The following PARP14 variants were observed in gnomAD, a reference collection of about 807,000 sequenced individuals.
PARP14 encodes the protein poly(ADP-ribose) polymerase family member 14.
Under a neutral mutation model 154.2 loss-of-function variants are expected in PARP14, and 59 were observed. The ratio of observed to expected loss-of-function variants is 0.38; its 90% CI spans 0.31 to 0.48. The LOEUF (loss-of-function observed/expected upper bound fraction) is 0.48. Ranked by LOEUF, PARP14 falls within the 20% of genes least tolerant of loss-of-function variation. The probability of loss-of-function intolerance (pLI) is 0.98; values close to 1 mark genes in which losing one functional copy is unlikely to be tolerated. For missense variants in PARP14, 1,734 were observed against 2,131.6 expected (o/e 0.81, Z 3.67); for synonymous variants, 720 against 780.5 (o/e 0.92, Z 1.29).
In PARP14 at chr3:122,686,002, C is replaced by A. The variant is rs189462174; in HGVS notation, c.321+684C>A. On this transcript the variant is annotated intron_variant, in intron 2 of 16. Transcript: ENST00000474629. ...TCCATACTACCTGTATTAAGTATTA[C>A]CCCAATTGTAAAATGGAATAGTAAC... 2.7e-3 allele frequency among the ~76,000 whole-genome samples: 416 copies of A among 152,188 alleles called. 1 individual carries two copies. The highest frequency in any genetic ancestry group is 9.3e-3 in the African/African-American group (386 of 41,508).
intron 1 of PARP14, among the ~76,000 whole-genome samples, chr3:122,684,385 T>C (rs1938304751): frequency 6.6e-6 from 1 of 152,234 alleles, no homozygotes; most frequent in African/African-American, 2.4e-5. Flanking sequence ...GGCTGCTCCT[T>C]TTTATAATCG....
chr3:122,709,705 T>C (rs1168707469), intron 9 of PARP14, among the ~76,000 whole-genome samples: 1 of 152,162 alleles, frequency 6.6e-6, no homozygotes, highest in Non-Finnish European at 1.5e-5. Flanking sequence ...CCAACATCTA[T>C]TGTTTCTTGA....
At position 122,700,652 on chromosome 3, in the gene PARP14, G is replaced by T. The variant is rs758915239; in HGVS notation, c.2098G>T (p.Val700Leu). 2.5e-6 allele frequency: 4 copies of T among 1,607,166 alleles called. No homozygotes were observed. The Admixed American group carries it at 6.8e-5, about 27-fold the overall frequency. The change falls in exon 6 of 17, where the codon GTA becomes TTA. Residue 700 changes from valine (V) to leucine (L), a missense_variant. Coordinates refer to ENST00000474629, the MANE Select transcript of PARP14 (RefSeq NM_017554.3). Reference sequence around the variant, plus strand: ...GCTATTCTGGCCAAAGATAAAGAAGGTAAATGTGCAGGTAAGTTTCAATCC... The same window carrying T: ...GCTATTCTGGCCAAAGATAAAGAAGTTAAATGTGCAGGTAAGTTTCAATCC... ...KKLFWPKIKK[V>L]NVQVSFNPEN...
At chr3:122,728,230 C>T (rs1161550436) in intron 16 of PARP14, 78 bp from the exon 17 acceptor site, 25 of 1,281,332 alleles carry the variant, frequency 2.0e-5, no homozygotes, top group Non-Finnish European at 2.6e-5. Context: ...TTAGAAAGAA[C>T]ATTATTTAAC....
chr3:122,724,645 A>ATT, intron 15 of PARP14, among the ~76,000 whole-genome samples: 1 of 138,944 alleles, frequency 7.2e-6, no homozygotes, highest in African/African-American at 2.7e-5. Flanking sequence ...TGAAAAAAAA[A>ATT]TTTTTTTTTT....
At position 122,704,715 on chromosome 3, in the gene PARP14, T is replaced by C. The variant is rs773518143; in HGVS notation, c.3507T>C (p.Phe1169=). The C allele has an allele frequency of 1.9e-6, 3 of 1,604,076 alleles. No homozygotes were observed. Among genetic ancestry groups the C allele is most frequent in the East Asian group, 2.2e-5 (1 of 44,678 alleles). ...TGAAAACTTTACAAGAGGTTCACTT[T>C]CTGCTGCACCCGAGTGATCATGAAA... ...NQLKTLQEVH[F]LLHPSDHENI... is the part of the protein sequence containing the mutation. The change falls in exon 8 of 17, where the codon TTT becomes TTC. Residue 1169 remains phenylalanine (F), a synonymous_variant. Transcript: ENST00000474629.
At chr3:122,704,501 A>T (rs375851327) in intron 7 of PARP14, 26 bp from the exon 8 acceptor site, 1 of 1,412,066 alleles carries the variant, frequency 7.1e-7, no homozygotes, top group Non-Finnish European at 9.9e-7. Context: ...GACAAGATGT[A>T]TAAGGATGTG....
chr3:122,696,071 C>G (rs886088778), intron 5 of PARP14, among the ~76,000 whole-genome samples: 1 of 152,196 alleles, frequency 6.6e-6, no homozygotes, highest in African/African-American at 2.4e-5. Context: ...ACTCCTTTCA[C>G]CTATTGTATC....
Position 122,727,969 on chromosome 3 carries a change from G to A in PARP14, c.5099G>A (p.Ser1700Asn). 6.2e-7 allele frequency: 1 copy of A among 1,610,826 alleles called. No homozygotes were observed. ...PHVNRNGFNR[S>N]YAGKNAVAYG... is the part of the protein sequence containing the mutation. Reference sequence around the variant, plus strand: ...GTCAATCGAAATGGCTTTAACCGCAGCTATGCCGGAAAGAATGGTAAGGAA... The same window carrying A: ...GTCAATCGAAATGGCTTTAACCGCAACTATGCCGGAAAGAATGGTAAGGAA... Residue 1700 changes from serine to asparagine, a missense_variant, in exon 16 of 17, where the codon AGC (serine) becomes AAC (asparagine). Ser to Asn is a conservative substitution (Grantham distance 46, BLOSUM62 1). Coordinates refer to ENST00000474629, the MANE Select transcript of PARP14 (RefSeq NM_017554.3).
At chr3:122,693,645 C>T (rs1406782107) in intron 4 of PARP14, among the ~76,000 whole-genome samples, 1 of 151,570 alleles carries the variant, frequency 6.6e-6, no homozygotes, top group Non-Finnish European at 1.5e-5. Flanking sequence ...TTGAGAGCAG[C>T]CTGGGCAACA....
At chr3:122,698,354 A>G (rs1297454962) in intron 5 of PARP14, among the ~76,000 whole-genome samples, 1 of 152,232 alleles carries the variant, frequency 6.6e-6, no homozygotes, top group East Asian at 1.9e-4. Flanking sequence ...CTGCTTAATA[A>G]CTTACACAAA....
At chr3:122,709,362 A>T (rs1939252225) in intron 9 of PARP14, among the ~76,000 whole-genome samples, 1 of 152,190 alleles carries the variant, frequency 6.6e-6, no homozygotes, top group African/African-American at 2.4e-5. Flanking sequence ...GCTCCATCCA[A>T]GTTGCTTCAA....
In PARP14 at chr3:122,699,409, C is replaced by T. The variant is rs144782464; in HGVS notation, c.855C>T (p.Ala285=). Residue 285 remains alanine, a synonymous_variant, in exon 6 of 17, where the codon GCC becomes GCT. Coordinates refer to ENST00000474629, the MANE Select transcript of PARP14 (RefSeq NM_017554.3). The part of the protein sequence containing the change: ...FDRKVLDTIM[A]TKLDFNKMPL... ...TTTAAGTGTTAGACACCATCATGGC[C>T]ACAAAACTCGACTTCAATAAAATGC... The T allele has an allele frequency of 9.2e-4, 1,476 of 1,608,376 alleles. 29 individuals are homozygous for T. In the East Asian group the frequency reaches 0.028, roughly 31 times the overall value.
chr3:122,723,055 C>T (rs975243809), intron 15 of PARP14, among the ~76,000 whole-genome samples: 19 of 152,018 alleles, frequency 1.2e-4, no homozygotes, highest in African/African-American at 3.1e-4. Context: ...CCTGCCTCAG[C>T]GTCCCAAGTA....
intron 7 of PARP14, 118 bp downstream of exon 7, chr3:122,704,096 C>T: frequency 1.4e-6 from 1 of 700,388 alleles, no homozygotes; most frequent in Non-Finnish European, 2.5e-6. Context: ...AATAATCACT[C>T]TTTTGGCAGA....
chr3:122,695,087 C>T (rs1326700555), intron 4 of PARP14, among the ~76,000 whole-genome samples: 3 of 152,210 alleles, frequency 2.0e-5, no homozygotes, highest in Non-Finnish European at 4.4e-5. Context: ...AGTGTCAACG[C>T]TCATACCTGC....
chr3:122,706,699 T>C (rs1486659560), intron 8 of PARP14, among the ~76,000 whole-genome samples: 12 of 152,126 alleles, frequency 7.9e-5, no homozygotes, highest in Admixed American at 7.9e-4. Flanking sequence ...TCTGGTTCCT[T>C]CTCCCATTAT....
At chr3:122,712,521 T>TA (rs1939355796) in intron 9 of PARP14, among the ~76,000 whole-genome samples, 1 of 151,872 alleles carries the variant, frequency 6.6e-6, no homozygotes, top group African/African-American at 2.4e-5. Context: ...GTGCTGGAAT[T>TA]ACAGGCATGA....
chr3:122,719,858 C>A (rs1474809358), intron 14 of PARP14, among the ~76,000 whole-genome samples: 2 of 152,152 alleles, frequency 1.3e-5, no homozygotes, highest in Non-Finnish European at 2.9e-5. Context: ...AATCCATGCA[C>A]AAACAAAACA....
Sources: gnomAD v4.1 joint callset for allele counts (sites outside exome capture counted in the v4.1 genomes callset) on GRCh38, gnomAD v4.1.1 for gene constraint, MANE v1.5 for transcripts, NCBI Gene and HGNC (gene_info 2026-07-23, HGNC 2026-07-21) for gene names.